The following PKHD1L1 variants were observed in gnomAD, a reference collection of about 807,000 sequenced individuals.
PKHD1L1 encodes fibrocystin-L.
PKHD1L1 carries 434 observed loss-of-function variants against 462.9 expected under a neutral mutation model. That is an observed-to-expected ratio of 0.94 (90% CI 0.87 to 1.02). The LOEUF is 1.02. Ranked by LOEUF, PKHD1L1 falls within the 50% of genes least tolerant of loss-of-function variation. The pLI is 0.00. For synonymous variants in PKHD1L1, 1,781 were observed against 1,750.0 expected (o/e 1.02, Z -0.44); for missense variants, 5,202 against 5,096.1 (o/e 1.02, Z -0.63).
At chr8:109,430,222 A>G (rs575326495) in intron 27 of PKHD1L1, among the ~76,000 whole-genome samples, 185 bp downstream of exon 27, 1 of 152,224 alleles carries the variant, frequency 6.6e-6, no homozygotes, top group Admixed American at 6.5e-5. Context: ...CTAATTATTT[A>G]TTTTTGAAAA....
intron 20 of PKHD1L1, among the ~76,000 whole-genome samples, chr8:109,412,622 A>G (rs1049481602): frequency 2.6e-5 from 4 of 152,066 alleles, no homozygotes; most frequent in African/African-American, 4.8e-5. Context: ...ATATGTATAT[A>G]GCACCATATA....
chr8:109,415,845 CT>C (rs1814124797), intron 21 of PKHD1L1, among the ~76,000 whole-genome samples: 1 of 89,558 alleles, frequency 1.1e-5, no homozygotes, highest in Non-Finnish European at 2.2e-5. Context: ...GAGACCTTGT[CT>C]TAAAAAAAAA....
intron 8 of PKHD1L1, among the ~76,000 whole-genome samples, chr8:109,389,985 T>C (rs1159450203): frequency 6.6e-6 from 1 of 152,104 alleles, no homozygotes; most frequent in African/African-American, 2.4e-5. Flanking sequence ...TTTTTTTAAA[T>C]AGCATTATCA....
At chr8:109,433,608 A>G (rs1454048340) in intron 28 of PKHD1L1, among the ~76,000 whole-genome samples, 3 of 152,290 alleles carry the variant, frequency 2.0e-5, no homozygotes, top group East Asian at 3.9e-4. Context: ...GGACCTGGCC[A>G]TCTCCTGACT....
chr8:109,521,490 G>A (rs1465914709), intron 73 of PKHD1L1, among the ~76,000 whole-genome samples: 2 of 152,150 alleles, frequency 1.3e-5, no homozygotes, highest in Admixed American at 6.6e-5. Context: ...AATTGGTAAT[G>A]GATTAGATGT....
chr8:109,503,087 C>T (rs1819508531), intron 67 of PKHD1L1, among the ~76,000 whole-genome samples: 1 of 152,186 alleles, frequency 6.6e-6, no homozygotes, highest in Admixed American at 6.5e-5. Flanking sequence ...GAGTGGATCA[C>T]TTGAGGTCAG....
chr8:109,372,988 C>A lies in PKHD1L1; in HGVS notation c.163+8352C>A, dbSNP rs565164576. ...TTTCTTTTTTTGTTGCATCTCTGCC[C>A]AGCTTTGGTATCAGGATGATGCTGG... On this transcript the variant is annotated intron_variant, in intron 2 of 77. Transcript: ENST00000378402. Among the ~76,000 whole-genome samples, 16 of 152,118 alleles carry A rather than the reference C, an allele frequency of 1.1e-4. No homozygotes were observed. In the East Asian group the frequency reaches 1.4e-3, roughly 13 times the overall value.
At chr8:109,501,945 A>T (rs1819438066) in intron 67 of PKHD1L1, among the ~76,000 whole-genome samples, 1 of 151,950 alleles carries the variant, frequency 6.6e-6, no homozygotes, top group Non-Finnish European at 1.5e-5. Context: ...ACTCATCACT[A>T]CCCAGGAGTC....
intron 1 of PKHD1L1, among the ~76,000 whole-genome samples, chr8:109,363,058 C>A (rs1563702947): frequency 6.6e-6 from 1 of 152,160 alleles, no homozygotes; most frequent in Admixed American, 6.5e-5. Context: ...GAAAGGGCAA[C>A]AACCCCCAGT....
intron 48 of PKHD1L1, 77 bp downstream of exon 48, chr8:109,461,985 GT>G (rs1325462447): frequency 6.9e-7 from 1 of 1,452,658 alleles, no homozygotes; most frequent in African/African-American, 1.4e-5. Context: ...AACTCCTGCT[GT>G]TTGTCAATGC....
intron 45 of PKHD1L1, 128 bp from the exon 46 acceptor site, chr8:109,456,134 G>A: frequency 1.1e-6 from 1 of 939,526 alleles, no homozygotes; most frequent in Non-Finnish European, 1.5e-6. Flanking sequence ...GGAGAAATGT[G>A]TGAAATGCTA....
rs780541470 is a variant in PKHD1L1, at chr8:109,443,150, A to G, written c.4564+34A>G. 3 of 1,597,432 alleles carry G rather than the reference A, an allele frequency of 1.9e-6. No homozygotes were observed. In the South Asian group the frequency reaches 3.3e-5, roughly 18 times the overall value. On this transcript the variant is annotated intron_variant, in intron 36 of 77. Coordinates refer to ENST00000378402, the MANE Select transcript of PKHD1L1 (RefSeq NM_177531.6). ...GTTAAAGATGGAAACTCTGTTACAC[A>G]GGTGACCCAGGGTGTATGTGATATT...
chr8:109,399,927 G>A (rs531026340), intron 12 of PKHD1L1, 149 bp from the exon 13 acceptor site: 32 of 794,108 alleles, frequency 4.0e-5, no homozygotes, highest in Admixed American at 6.0e-5. Flanking sequence ...CTGCAGATAC[G>A]TGTAGGGGAA....
In PKHD1L1 at chr8:109,384,123, T is replaced by G. The variant is rs746285825; in HGVS notation, c.471T>G (p.Thr157=). 4.4e-6 allele frequency: 7 copies of G among 1,608,772 alleles called. No homozygotes were observed. Among genetic ancestry groups the G allele is most frequent in the South Asian group, 3.3e-5 (3 of 90,796 alleles). ...TIRSITPLSG[T]PGTLITIQGR... is the part of the protein sequence containing the mutation. ...GAAGCATCACACCTTTATCTGGAACTCCAGGTCTGTTATATGACATCTGAA... is the reference window on the plus strand; with the variant it reads ...GAAGCATCACACCTTTATCTGGAACGCCAGGTCTGTTATATGACATCTGAA... The change falls in exon 5 of 78, where the codon ACT becomes ACG. Residue 157 remains threonine, a synonymous_variant. Transcript: ENST00000378402.
chr8:109,401,125 G>A (rs977254517), intron 13 of PKHD1L1, among the ~76,000 whole-genome samples: 3 of 152,056 alleles, frequency 2.0e-5, no homozygotes, highest in African/African-American at 7.2e-5. Context: ...AATCTAATTT[G>A]GATTAAATCT....
At chr8:109,436,653 T>C (rs914897397) in intron 30 of PKHD1L1, among the ~76,000 whole-genome samples, 194 bp downstream of exon 30, 1 of 152,150 alleles carries the variant, frequency 6.6e-6, no homozygotes, top group Admixed American at 6.5e-5. Context: ...TGTCTCCACA[T>C]TCAAGATACT....
chr8:109,420,444 A>G (rs994777937), intron 22 of PKHD1L1, 74 bp from the exon 23 acceptor site: 2 of 914,866 alleles, frequency 2.2e-6, no homozygotes, highest in Non-Finnish European at 3.1e-6. Context: ...TATCTCCTCT[A>G]TTAGGTTAAT....
At chr8:109,456,449 T>G in intron 46 of PKHD1L1, 58 bp downstream of exon 46, 7 of 1,459,990 alleles carry the variant, frequency 4.8e-6, no homozygotes, top group Non-Finnish European at 6.4e-6. Flanking sequence ...TTATACTGTA[T>G]AAAGAGGGAC....
chr8:109,527,864 T>C (rs1206437449), intron 77 of PKHD1L1, among the ~76,000 whole-genome samples: 1 of 152,158 alleles, frequency 6.6e-6, no homozygotes, highest in Non-Finnish European at 1.5e-5. Flanking sequence ...TTCCCAACAG[T>C]TCCAGAGAAA....
Sources: allele counts gnomAD v4.1 joint callset (sites outside exome capture counted in the v4.1 genomes callset), GRCh38; gene constraint gnomAD v4.1.1; transcripts MANE v1.5; gene names NCBI Gene and HGNC (gene_info 2026-07-23, HGNC 2026-07-21).